The following UPP1 variants were observed in gnomAD, a reference collection of about 807,000 sequenced individuals.
The protein encoded by UPP1 is uridine phosphorylase 1.
A neutral mutation model predicts 29.6 loss-of-function variants in UPP1; 25 were observed. That is an observed-to-expected ratio of 0.85 (90% CI 0.62 to 1.18). The LOEUF is 1.18. Among genes scored for constraint, UPP1 ranks in the 50% most tolerant of loss-of-function variants. The pLI is 0.00. For missense variants in UPP1, 368 were observed against 410.4 expected, an observed-to-expected ratio of 0.90 and a Z score of 0.89; for synonymous variants, 165 against 159.8, an observed-to-expected ratio of 1.03 and a Z score of -0.25.
In UPP1 at chr7:48,107,039, CA is replaced by C; in HGVS notation, c.604del (p.Thr202GlnfsTer72). Reference protein sequence around the residue: ...LCSAELSEFTTVVGNTMCTLD... With the variant: ...LCSAELSEFTXVVGNTMCTLD... ...GTTCTGCAGAGCTGAGCGAGTTCAC[CA>C]CAGTGGTGGGGAACACCATGTGCAC... On this transcript the variant is annotated frameshift_variant, in exon 7 of 9. Coordinates refer to ENST00000395564, the MANE Select transcript of UPP1 (RefSeq NM_003364.4). LOFTEE classifies it high-confidence loss of function. 6.2e-7 allele frequency: 1 copy of C among 1,612,408 alleles called. No individual in the cohort carries two copies. Among genetic ancestry groups the C allele is most frequent in the Non-Finnish European group, 8.5e-7 (1 of 1,179,906 alleles).
chr7:48,089,060 T>A (rs10278152), upstream of UPP1: 89,869 of 135,894 alleles, frequency 0.66, 27,258 homozygotes, highest in African/African-American at 0.75. Flanking sequence ...CGCGGGAGGG[T>A]GGAGAGGAGG....
chr7:48,097,388 C>G (rs1031693269), intron 3 of UPP1, among the ~76,000 whole-genome samples: 3 of 152,114 alleles, frequency 2.0e-5, no homozygotes, highest in African/African-American at 7.2e-5. Context: ...TGCATGCCAC[C>G]ATGCCTGGCT....
Position 48,099,794 on chromosome 7 carries a change from G to A in UPP1, c.162+7G>A, listed in dbSNP as rs552306591. ...CTTGTTTGGAGATGTGAAGGTAAGAGGCCAGGTGTTGACACCTTGGAATTT... is the reference window on the plus strand; with the variant it reads ...CTTGTTTGGAGATGTGAAGGTAAGAAGCCAGGTGTTGACACCTTGGAATTT... On this transcript the variant is annotated splice_region_variant and intron_variant, in intron 4 of 8. Coordinates refer to ENST00000395564, the MANE Select transcript of UPP1 (RefSeq NM_003364.4). The A allele has an allele frequency of 1.3e-6, 2 of 1,590,878 alleles. No homozygotes were observed. The highest frequency in any genetic ancestry group is 1.3e-5 in the African/African-American group (1 of 74,560).
At chr7:48,094,467 C>CA (rs35041681) in intron 2 of UPP1, among the ~76,000 whole-genome samples, 2 of 152,110 alleles carry the variant, frequency 1.3e-5, no homozygotes, top group Non-Finnish European at 2.9e-5. Flanking sequence ...CTTGGCCTCC[C>CA]AAAGTGCTGG....
At chr7:48,092,904 A>G (rs1362265074) in intron 2 of UPP1, among the ~76,000 whole-genome samples, 8 of 151,968 alleles carry the variant, frequency 5.3e-5, no homozygotes, top group African/African-American at 1.9e-4. Flanking sequence ...GAGTTTCACC[A>G]TGTTGGCCAG....
chr7:48,108,222 C>T lies in UPP1; in HGVS notation c.798C>T (p.Ala266=), dbSNP rs1044090475. ...AMCSACGLQA[A]VVCVTLLNRL... ...TGTGGTCTTTGTCCTTTGCAGCGGC[C>T]GTGGTGTGTGTCACCCTCCTGAACC... Residue 266 remains alanine, a synonymous_variant, in exon 9 of 9, where the codon GCC becomes GCT. Coordinates refer to ENST00000395564, the MANE Select transcript of UPP1 (RefSeq NM_003364.4). 24 of 1,612,596 alleles carry T rather than the reference C, an allele frequency of 1.5e-5. No individual in the cohort carries two copies. The highest frequency in any genetic ancestry group is 2.2e-5 in the South Asian group (2 of 90,972).
intron 3 of UPP1, among the ~76,000 whole-genome samples, chr7:48,095,711 A>G (rs897140891): frequency 6.6e-6 from 1 of 151,534 alleles, no homozygotes; most frequent in Non-Finnish European, 1.5e-5. Context: ...TGAGTGGCGC[A>G]ATCTCAGCTT....
Position 48,108,231 on chromosome 7 carries a change from T to C in UPP1, c.807T>C (p.Cys269=). ...SACGLQAAVV[C]VTLLNRLEGD... is the part of the protein sequence containing the mutation. Reference sequence around the variant, plus strand: ...TGTCCTTTGCAGCGGCCGTGGTGTGTGTCACCCTCCTGAACCGCCTGGAAG... The same window carrying C: ...TGTCCTTTGCAGCGGCCGTGGTGTGCGTCACCCTCCTGAACCGCCTGGAAG... The change falls in exon 9 of 9, where the codon TGT becomes TGC. Residue 269 remains cysteine (C), a synonymous_variant. Transcript: ENST00000395564. The C allele has an allele frequency of 6.2e-7, 1 of 1,613,248 alleles. No individual in the cohort carries two copies. Among genetic ancestry groups the C allele is most frequent in the Non-Finnish European group, 8.5e-7 (1 of 1,179,816 alleles).
intron 2 of UPP1, among the ~76,000 whole-genome samples, chr7:48,092,533 T>G (rs1791894358): frequency 6.6e-6 from 1 of 152,000 alleles, no homozygotes; most frequent in East Asian, 1.9e-4. Context: ...GTGTGATACC[T>G]CTTTTAAAAC....
rs773661882 is a variant in UPP1 at position 48,107,068 on chromosome 7, T to G, written c.632T>G (p.Leu211Trp). 6.8e-5 allele frequency: 109 copies of G among 1,611,864 alleles called. No individual in the cohort carries two copies. Among genetic ancestry groups the G allele is most frequent in the Non-Finnish European group, 8.7e-5 (103 of 1,179,844 alleles). ...GTGGTGGGGAACACCATGTGCACCT[T>G]GGACTTCTATGAAGGTGAGGCAGCG... ...TTVVGNTMCT[L>W]DFYEGQGRLD... The change falls in exon 7 of 9, where the codon TTG (leucine) becomes TGG (tryptophan). Residue 211 changes from leucine (L) to tryptophan (W), a missense_variant. Physicochemically the swap from Leu to Trp is moderately conservative, Grantham distance 61. Transcript: ENST00000395564.
chr7:48,094,143 G>GA (rs958843426), intron 2 of UPP1, among the ~76,000 whole-genome samples: 2 of 152,166 alleles, frequency 1.3e-5, no homozygotes, highest in African/African-American at 4.8e-5. Context: ...CTGGGTGACA[G>GA]AGCGAGACTG....
intron 2 of UPP1, among the ~76,000 whole-genome samples, chr7:48,092,892 TGG>T (rs1791919796): frequency 6.6e-6 from 1 of 152,064 alleles, no homozygotes; most frequent in South Asian, 2.1e-4. Context: ...TTAGTAGAGA[TGG>T]AGTTTCACCA....
intron 3 of UPP1, among the ~76,000 whole-genome samples, chr7:48,098,271 T>G (rs76364474): frequency 0.027 from 4,070 of 152,242 alleles, 193 homozygotes; most frequent in African/African-American, 0.093. Context: ...CATTTGACAG[T>G]CATGAAAGGA....
intron 6 of UPP1, chr7:48,106,424 C>T (rs1792737594): frequency 5.7e-6 from 1 of 173,970 alleles, no homozygotes. Context: ...GATTCTCCCG[C>T]CTCAGTCTCC....
chr7:48,103,863 T>C, intron 6 of UPP1: 1 of 1,288,906 alleles, frequency 7.8e-7, no homozygotes, highest in Non-Finnish European at 1.0e-6. Context: ...CTCAGATAAG[T>C]GTCCTTAAAT....
intron 6 of UPP1, chr7:48,106,348 T>G (rs1792733655): frequency 6.5e-6 from 1 of 153,976 alleles, no homozygotes; most frequent in South Asian, 2.0e-4. Context: ...TTTGCTCTTT[T>G]TGCCCATGCT....
At chr7:48,096,352 G>T (rs1196324773) in intron 3 of UPP1, among the ~76,000 whole-genome samples, 1 of 152,156 alleles carries the variant, frequency 6.6e-6, no homozygotes, top group Non-Finnish European at 1.5e-5. Flanking sequence ...AGTTTATACT[G>T]AGAGTATTAA....
In UPP1 at chr7:48,102,033, G is replaced by A. The variant is rs1792455544; in HGVS notation, c.321+51G>A. The A allele has an allele frequency of 2.5e-6, 4 of 1,583,206 alleles. No individual in the cohort carries two copies. The East Asian group carries it at 6.8e-5, about 27-fold the overall frequency. On this transcript the variant is annotated intron_variant, in intron 5 of 8. Transcript: ENST00000395564. ...CAGTCTCTAGGCTCTGCAACCCCCT[G>A]TGCCCCACCCCTCTGCACACACAGA... is the stretch of plus-strand genomic sequence containing the variant.
intron 2 of UPP1, among the ~76,000 whole-genome samples, 173 bp from the exon 3 acceptor site, chr7:48,094,590 C>A (rs1405506484): frequency 6.6e-6 from 1 of 152,216 alleles, no homozygotes; most frequent in African/African-American, 2.4e-5. Context: ...TATAAACACA[C>A]ATACACACTC....
Sources: gnomAD v4.1 joint callset for allele counts (sites outside exome capture counted in the v4.1 genomes callset) on GRCh38, gnomAD v4.1.1 for gene constraint, MANE v1.5 for transcripts, NCBI Gene and HGNC (gene_info 2026-07-23, HGNC 2026-07-21) for gene names.